Variants in DHRS2 observed in about 807,000 individuals in gnomAD.
DHRS2 encodes dehydrogenase/reductase SDR family member 2, mitochondrial.
DHRS2 carries 29 observed loss-of-function variants against 26.3 expected under a neutral mutation model. That is an observed-to-expected ratio of 1.10 (90% CI 0.82 to 1.50). DHRS2 has a LOEUF of 1.50. DHRS2 is among the 40% of genes most tolerant of loss of function. The probability of loss-of-function intolerance (pLI) is 0.00; values close to 1 mark genes in which losing one functional copy is unlikely to be tolerated. For synonymous variants in DHRS2, 164 were observed against 151.3 expected, an observed-to-expected ratio of 1.08 and a Z score of -0.62; for missense variants, 439 against 367.1, an observed-to-expected ratio of 1.20 and a Z score of -1.60.
chr14:23,634,059 CTTTTTTT>C (rs58045171), upstream of DHRS2, among the ~76,000 whole-genome samples: 18 of 82,482 alleles, frequency 2.2e-4, no homozygotes, highest in African/African-American at 6.2e-4. Flanking sequence ...TTTGCCCCTT[CTTTTTTT>C]TTTTTTTTTT....
In DHRS2 at chr14:23,645,266, C is replaced by A; in HGVS notation, c.*13C>A. On this transcript the variant is annotated 3_prime_UTR_variant, in exon 9 of 9. Transcript: ENST00000250383. ...CACTCGGCTCTGAGAGGAGTGGGGG[C>A]GGCTGCGTAGCTGTGGTCCCAGGCC... is the stretch of plus-strand genomic sequence containing the variant. 4 of 1,613,888 alleles carry A rather than the reference C, an allele frequency of 2.5e-6. No homozygotes were observed. The highest frequency in any genetic ancestry group is 3.4e-6 in the Non-Finnish European group (4 of 1,180,020).
Position 23,645,225 on chromosome 14 carries a change from C to A in DHRS2, c.815C>A (p.Ala272Glu), listed in dbSNP as rs148991912. 52 of 1,614,122 alleles carry A rather than the reference C, an allele frequency of 3.2e-5. No individual in the cohort carries two copies. The highest frequency in any genetic ancestry group is 4.5e-5 in the East Asian group (2 of 44,862). ...AGCTACGTCAACGGGGAGAACATTGCGGTGGCAGGCTACTCCACTCGGCTC... is the reference window on the plus strand; with the variant it reads ...AGCTACGTCAACGGGGAGAACATTGAGGTGGCAGGCTACTCCACTCGGCTC... ...DASYVNGENI[A>E]VAGYSTRL Residue 272 changes from alanine to glutamate, a missense_variant, in exon 9 of 9, where the codon GCG becomes GAG. Transcript: ENST00000250383.
chr14:23,639,638 C>T (rs1217036010), intron 3 of DHRS2, among the ~76,000 whole-genome samples, 156 bp from the exon 4 acceptor site: 1 of 152,130 alleles, frequency 6.6e-6, no homozygotes, highest in Non-Finnish European at 1.5e-5. Context: ...CTTCCTCTCT[C>T]AGTGCCTGGC....
chr14:23,639,128 G>A (rs45608041), intron 2 of DHRS2, 51 bp from the exon 3 acceptor site: 6 of 1,603,412 alleles, frequency 3.7e-6, no homozygotes, highest in East Asian at 2.2e-5. Context: ...GTAGAGGAAG[G>A]ACAGTGGAGA....
Position 23,644,208 on chromosome 14 carries a change from C to A in DHRS2, c.540+46C>A, listed in dbSNP as rs754331679. On this transcript the variant is annotated intron_variant, in intron 6 of 8. Coordinates refer to ENST00000250383, the MANE Select transcript of DHRS2 (RefSeq NM_005794.4). ...CTCCTGAGTGGTATAGGGTGAGGGG[C>A]AACTTTGTTCTTTTCCTCAGAGCCT... The A allele has an allele frequency of 7.5e-6, 12 of 1,603,274 alleles. No homozygotes were observed. The Admixed American group carries it at 1.8e-4, about 25-fold the overall frequency.
chr14:23,636,334 G>C (rs780930508), upstream of DHRS2: 5 of 152,126 alleles, frequency 3.3e-5, no homozygotes, highest in Non-Finnish European at 7.4e-5. Context: ...CCAGTTAAGG[G>C]AATAAAAGCA....
chr14:23,638,549 C>T, intron 1 of DHRS2: 1 of 296,682 alleles, frequency 3.4e-6, no homozygotes, highest in Non-Finnish European at 6.4e-6. Context: ...TGCCAGTGCT[C>T]AATGTTTGCT....
In DHRS2 at chr14:23,640,185, T is replaced by C. The variant is rs74036810; in HGVS notation, c.420+290T>C. ...TTTATTGCTGTCTGCCAGGCACCAC[T>C]ATTCCAGGCTCTAGGGATACAGCTG... On this transcript the variant is annotated intron_variant, in intron 4 of 8. Transcript: ENST00000250383. The C allele has an allele frequency of 0.025, 22,160 of 897,716 alleles. 3,851 individuals are homozygous for C. The African/African-American group carries it at 0.36, about 15-fold the overall frequency. The allele number at this position is 897,716 out of a possible 1,614,324, so 55.6% of individuals were successfully genotyped here. A position where few individuals can be genotyped will look rare whatever the true frequency, so the allele number is the denominator to read the frequency against.
chr14:23,644,660 T>C, intron 7 of DHRS2, 117 bp downstream of exon 7: 1 of 1,529,436 alleles, frequency 6.5e-7, no homozygotes, highest in South Asian at 1.2e-5. Context: ...ACTGAGGTCC[T>C]CATTGTTCTC....
At chr14:23,637,552 T>G (rs772978793) in intron 1 of DHRS2, among the ~76,000 whole-genome samples, 7 of 152,154 alleles carry the variant, frequency 4.6e-5, no homozygotes, top group South Asian at 4.1e-4. Context: ...TCTTCATTTT[T>G]GGGGCATAAC....
chr14:23,644,045 C>T (rs1163501270), intron 5 of DHRS2, 66 bp from the exon 6 acceptor site: 1 of 1,457,844 alleles, frequency 6.9e-7, no homozygotes, highest in African/African-American at 1.4e-5. Context: ...TTAATGAACT[C>T]ATGATAGTGT....
chr14:23,639,744 G>A, intron 3 of DHRS2, 50 bp from the exon 4 acceptor site: 5 of 1,539,304 alleles, frequency 3.2e-6, no homozygotes, highest in Non-Finnish European at 4.4e-6. Flanking sequence ...CCCTGGGAGG[G>A]ATAGTCCTCC....
upstream of DHRS2, among the ~76,000 whole-genome samples, chr14:23,634,500 T>C (rs963064569): frequency 3.9e-5 from 6 of 152,114 alleles, no homozygotes; most frequent in African/African-American, 1.2e-4. Context: ...TTAAGCAATA[T>C]AGAATTGTTT....
intron 4 of DHRS2, chr14:23,642,848 A>G (rs1890723676): frequency 2.1e-5 from 6 of 280,098 alleles, no homozygotes. Flanking sequence ...GATTACAGGC[A>G]TGACCCACTG....
rs146405265 is a variant in DHRS2 at position 23,636,660 on chromosome 14, T to G, written c.-151T>G. On this transcript the variant is annotated 5_prime_UTR_variant, in exon 1 of 9. Transcript: ENST00000250383. ...TCAATTCCGTACACATTTTGGTGAC[T>G]TTGAAGAGACTGTCACCTATCACCA... 2 of 152,224 alleles carry G rather than the reference T, an allele frequency of 1.3e-5. No homozygotes were observed. The highest frequency in any genetic ancestry group is 4.8e-5 in the African/African-American group (2 of 41,430). 9.4% of individuals were successfully genotyped at this position (152,224 alleles called of 1,614,324 possible).
chr14:23,644,648 T>C (rs1424876606), intron 7 of DHRS2, 105 bp downstream of exon 7: 17 of 1,553,992 alleles, frequency 1.1e-5, no homozygotes, highest in Admixed American at 1.7e-5. Flanking sequence ...AGCATGCCTA[T>C]GACTGAGGTC....
chr14:23,641,622 G>C, intron 4 of DHRS2: 1 of 1,289,672 alleles, frequency 7.8e-7, no homozygotes, highest in Non-Finnish European at 1.0e-6. Context: ...GTTTTGACCA[G>C]GAAACCCTTA....
chr14:23,640,490 A>G (rs543212120), intron 4 of DHRS2: 1 of 961,020 alleles, frequency 1.0e-6, no homozygotes, highest in East Asian at 1.1e-4. Context: ...AGACCTTGTA[A>G]AATGCCTTGA....
chr14:23,639,871 G>A lies in DHRS2; in HGVS notation c.396G>A (p.Gly132=). 1 of 1,608,384 alleles carries A rather than the reference G, an allele frequency of 6.2e-7. No homozygotes were observed. Among genetic ancestry groups the A allele is most frequent in the Non-Finnish European group, 8.5e-7 (1 of 1,177,258 alleles). The change falls in exon 4 of 9, where the codon GGG becomes GGA. Residue 132 remains glycine, a synonymous_variant. Transcript: ENST00000250383. ...ACCCTCTGGTAGGGAGCACTCTGGG[G>A]ACCAGTGAGCAGATCTGGGACAAGG... ...GVNPLVGSTL[G]TSEQIWDKIL...
Sources: allele counts gnomAD v4.1 joint callset (sites outside exome capture counted in the v4.1 genomes callset), GRCh38; gene constraint gnomAD v4.1.1; transcripts MANE v1.5; gene names NCBI Gene and HGNC (gene_info 2026-07-23, HGNC 2026-07-21).